MSRA: variants seen among roughly 807,000 people sequenced by gnomAD.
The protein encoded by MSRA is mitochondrial peptide methionine sulfoxide reductase.
A neutral mutation model predicts 31.3 loss-of-function variants in MSRA; 54 were observed. That is an observed-to-expected ratio of 1.73 (90% CI 1.39 to 2.17). MSRA has a LOEUF of 2.17. Among genes scored for constraint, MSRA ranks in the 30% most tolerant of loss-of-function variants. MSRA has a pLI of 0.00. For missense variants in MSRA, 507 were observed against 300.9 expected (o/e 1.69, Z -5.07); for synonymous variants, 169 against 116.5 (o/e 1.45, Z -2.90).
In MSRA at chr8:10,171,799, A is replaced by G. The variant is rs1433201869; in HGVS notation, c.143-36034A>G. Among the ~76,000 whole-genome samples, 5 of 152,266 alleles carry G rather than the reference A, an allele frequency of 3.3e-5. No homozygotes were observed. In the South Asian group the frequency reaches 8.3e-4, roughly 25 times the overall value. On this transcript the variant is annotated intron_variant, in intron 1 of 5. Coordinates refer to ENST00000317173, the MANE Select transcript of MSRA (RefSeq NM_012331.5). ...TGTACAAAGTATCAGTCATTGTAATAGCATTCTAATAATTCTGTTAACAAC... is the reference window on the plus strand; with the variant it reads ...TGTACAAAGTATCAGTCATTGTAATGGCATTCTAATAATTCTGTTAACAAC...
At chr8:10,184,755 A>C (rs562425970) in intron 1 of MSRA, among the ~76,000 whole-genome samples, 3 of 152,306 alleles carry the variant, frequency 2.0e-5, no homozygotes, top group African/African-American at 7.2e-5. Flanking sequence ...ATCTAGATTC[A>C]GAAAAGTTAG....
intron 1 of MSRA, among the ~76,000 whole-genome samples, chr8:10,113,979 C>T (rs535190288): frequency 1.3e-5 from 2 of 152,180 alleles, no homozygotes; most frequent in Non-Finnish European, 2.9e-5. Context: ...CCTCTTCCCC[C>T]TGTCCTTGGC....
chr8:10,099,929 C>T (rs931918870), intron 1 of MSRA, among the ~76,000 whole-genome samples: 1 of 152,186 alleles, frequency 6.6e-6, no homozygotes, highest in African/African-American at 2.4e-5. Flanking sequence ...GAGCATGCAG[C>T]AGGCCAGTGG....
chr8:10,245,347 A>G, intron 3 of MSRA, 124 bp downstream of exon 3: 5 of 869,572 alleles, frequency 5.7e-6, no homozygotes, highest in Non-Finnish European at 8.7e-6. Flanking sequence ...AATCTTTATT[A>G]TTTGTATATA....
Position 10,323,945 on chromosome 8 carries a change from T to A in MSRA, c.543+3956T>A, listed in dbSNP as rs545674561. On this transcript the variant is annotated intron_variant, in intron 5 of 5. Coordinates refer to ENST00000317173, the MANE Select transcript of MSRA (RefSeq NM_012331.5). ...CTTAATCACCAACTCAGGGGACAAA[T>A]GCTGTCATATCTCTTTTATGGTTTT... 1.2e-4 allele frequency among the ~76,000 whole-genome samples: 18 copies of A among 152,362 alleles called. 1 individual carries two copies. The South Asian group carries it at 2.5e-3, about 21-fold the overall frequency.
chr8:10,077,053 A>AAAG, intron 1 of MSRA, among the ~76,000 whole-genome samples: 1 of 151,794 alleles, frequency 6.6e-6, no homozygotes. Flanking sequence ...CTTAAAAAAA[A>AAAG]AAAAAAAAGA....
intron 1 of MSRA, among the ~76,000 whole-genome samples, chr8:10,123,882 T>C: frequency 6.6e-6 from 1 of 151,974 alleles, no homozygotes; most frequent in East Asian, 1.9e-4. Context: ...CTTCTTCTTT[T>C]GAGACAGGGT....
chr8:10,418,303 C>G (rs779685088), intron 5 of MSRA, among the ~76,000 whole-genome samples: 4 of 152,098 alleles, frequency 2.6e-5, no homozygotes, highest in Non-Finnish European at 5.9e-5. Flanking sequence ...TGTGACTTTC[C>G]CTTTAGCAAG....
chr8:10,155,662 A>G (rs568709317), intron 1 of MSRA, among the ~76,000 whole-genome samples: 2 of 152,230 alleles, frequency 1.3e-5, no homozygotes, highest in Non-Finnish European at 2.9e-5. Context: ...AGGGCTTGCC[A>G]GGACATTGGC....
At chr8:10,283,817 A>G (rs1229717003) in intron 3 of MSRA, among the ~76,000 whole-genome samples, 6 of 50,880 alleles carry the variant, frequency 1.2e-4, no homozygotes, top group African/African-American at 3.5e-4. Flanking sequence ...ATATATATAT[A>G]TATATATATA....
At chr8:10,413,366 C>T (rs901059070) in intron 5 of MSRA, among the ~76,000 whole-genome samples, 3 of 152,182 alleles carry the variant, frequency 2.0e-5, no homozygotes, top group Non-Finnish European at 4.4e-5. Flanking sequence ...AGAAGACAGA[C>T]TTTACAGAAT....
intron 3 of MSRA, among the ~76,000 whole-genome samples, chr8:10,275,304 G>A (rs770609163): frequency 3.3e-5 from 5 of 152,188 alleles, no homozygotes; most frequent in Non-Finnish European, 7.3e-5. Flanking sequence ...TTAAGGAACA[G>A]CTCTCTAAGC....
Position 10,235,407 on chromosome 8 carries a change from C to T in MSRA, c.212-9697C>T, listed in dbSNP as rs552975848. Among the ~76,000 whole-genome samples, 7 of 152,066 alleles carry T rather than the reference C, an allele frequency of 4.6e-5. No individual in the cohort carries two copies. The South Asian group carries it at 1.5e-3, about 32-fold the overall frequency. On this transcript the variant is annotated intron_variant, in intron 2 of 5. Coordinates refer to ENST00000317173, the MANE Select transcript of MSRA (RefSeq NM_012331.5). ...ATACGTGAGATGTATCTAGAACAAA[C>T]CTTAGAGGTTAAAAACATGTATTAG...
At chr8:10,371,858 G>C (rs1265992658) in intron 5 of MSRA, among the ~76,000 whole-genome samples, 3 of 152,274 alleles carry the variant, frequency 2.0e-5, no homozygotes, top group African/African-American at 7.2e-5. Flanking sequence ...GGTTGACTTG[G>C]CAACACTTGC....
chr8:10,428,197 G>A lies in MSRA; in HGVS notation c.593G>A (p.Gly198Glu), dbSNP rs776698230. 5 of 1,614,144 alleles carry A rather than the reference G, an allele frequency of 3.1e-6. No individual in the cohort carries two copies. In the South Asian group the frequency reaches 3.3e-5, roughly 11 times the overall value. ...CCCATCACTACCGACATCCGGGAGG[G>A]ACAGACTTTCTACTATGCGGAAGAC... ...FGPITTDIRE[G>E]QTFYYAEDYH... The change falls in exon 6 of 6, where the codon GGA becomes GAA. Residue 198 changes from glycine to glutamate, a missense_variant. Physicochemically the swap from Gly to Glu is moderately conservative, Grantham distance 98. Coordinates refer to ENST00000317173, the MANE Select transcript of MSRA (RefSeq NM_012331.5).
chr8:10,347,484 G>T (rs1015405355), intron 5 of MSRA, among the ~76,000 whole-genome samples: 3 of 152,232 alleles, frequency 2.0e-5, no homozygotes, highest in African/African-American at 4.8e-5. Context: ...AGCTATCAGT[G>T]GGTCCCCATC....
chr8:10,070,534 C>A (rs1797678054), intron 1 of MSRA, among the ~76,000 whole-genome samples: 1 of 152,196 alleles, frequency 6.6e-6, no homozygotes, highest in Non-Finnish European at 1.5e-5. Context: ...AGTGGTACAT[C>A]TTGCAAAACT....
At chr8:10,395,042 G>A (rs1052687324) in intron 5 of MSRA, among the ~76,000 whole-genome samples, 3 of 152,120 alleles carry the variant, frequency 2.0e-5, no homozygotes, top group Admixed American at 6.5e-5. Context: ...GTTGGCTTCC[G>A]ACCAAGTGGC....
chr8:10,178,358 G>C (rs1806240379), intron 1 of MSRA, among the ~76,000 whole-genome samples: 1 of 152,074 alleles, frequency 6.6e-6, no homozygotes, highest in Non-Finnish European at 1.5e-5. Flanking sequence ...GGGAGGCCTA[G>C]GAGGGGAGAT....
Sources: gnomAD v4.1 joint callset for allele counts (sites outside exome capture counted in the v4.1 genomes callset) on GRCh38, gnomAD v4.1.1 for gene constraint, MANE v1.5 for transcripts, NCBI Gene and HGNC (gene_info 2026-07-23, HGNC 2026-07-21) for gene names.